The following CNBD1 variants were observed in gnomAD, a reference collection of about 807,000 sequenced individuals.
CNBD1 encodes cyclic nucleotide binding domain containing 1, also known as cyclic nucleotide-binding domain-containing protein 1.
In CNBD1, 71 loss-of-function variants were observed where a neutral mutation model predicts 54.4. The ratio of observed to expected loss-of-function variants is 1.30; its 90% CI spans 1.08 to 1.59. CNBD1 has a LOEUF of 1.59. CNBD1 is among the 40% of genes most tolerant of loss of function. CNBD1 has a pLI of 0.00. For synonymous variants in CNBD1, 182 were observed against 170.7 expected (o/e 1.07, Z -0.51); for missense variants, 659 against 518.0 (o/e 1.27, Z -2.64).
intron 2 of CNBD1, among the ~76,000 whole-genome samples, chr8:86,898,097 GA>G (rs1260009215): frequency 6.6e-6 from 1 of 152,040 alleles, no homozygotes; most frequent in African/African-American, 2.4e-5. Context: ...TTGTGGATGG[GA>G]AAAAAGTAAG....
chr8:86,893,093 A>G (rs1016743008), intron 2 of CNBD1, among the ~76,000 whole-genome samples: 2 of 152,172 alleles, frequency 1.3e-5, no homozygotes, highest in Non-Finnish European at 2.9e-5. Context: ...TCTGATGACC[A>G]CTAGCTGGCA....
intron 10 of CNBD1, among the ~76,000 whole-genome samples, chr8:87,361,131 T>C (rs1810517239): frequency 6.6e-6 from 1 of 151,976 alleles, no homozygotes; most frequent in African/African-American, 2.4e-5. Flanking sequence ...ATTTAAAATT[T>C]TGATATATGC....
At chr8:87,203,232 T>C (rs190581253) in intron 4 of CNBD1, among the ~76,000 whole-genome samples, 16 of 152,344 alleles carry the variant, frequency 1.1e-4, no homozygotes, top group African/African-American at 3.1e-4. Flanking sequence ...CTTGTTTATA[T>C]GCATACATAG....
intron 4 of CNBD1, among the ~76,000 whole-genome samples, chr8:87,035,071 C>G (rs942812928): frequency 6.6e-6 from 1 of 151,874 alleles, no homozygotes; most frequent in African/African-American, 2.4e-5. Flanking sequence ...ACCAAATGTT[C>G]CTTTTTTATA....
chr8:87,346,242 T>A (rs939323002), intron 8 of CNBD1, among the ~76,000 whole-genome samples: 1 of 152,048 alleles, frequency 6.6e-6, no homozygotes, highest in Non-Finnish European at 1.5e-5. Context: ...GGTTTCTCCA[T>A]GTTGGGTAGG....
At chr8:87,286,927 A>G (rs1808711089) in intron 8 of CNBD1, among the ~76,000 whole-genome samples, 1 of 152,108 alleles carries the variant, frequency 6.6e-6, no homozygotes, top group African/African-American at 2.4e-5. Context: ...ACTGTTCCGC[A>G]CTTGCTCCAC....
chr8:87,122,707 C>T (rs1332344081), intron 4 of CNBD1, among the ~76,000 whole-genome samples: 2 of 151,808 alleles, frequency 1.3e-5, no homozygotes, highest in African/African-American at 4.8e-5. Flanking sequence ...ATATTTAAGT[C>T]ATTAATCCAT....
chr8:86,948,448 A>T (rs1311564166), intron 4 of CNBD1, among the ~76,000 whole-genome samples: 1 of 152,138 alleles, frequency 6.6e-6, no homozygotes, highest in African/African-American at 2.4e-5. Context: ...GATATAAACC[A>T]TTTAAACTAG....
chr8:87,074,347 T>C (rs1474218032), intron 4 of CNBD1, among the ~76,000 whole-genome samples: 4 of 152,138 alleles, frequency 2.6e-5, no homozygotes, highest in Non-Finnish European at 4.4e-5. Flanking sequence ...CAGTGGGTCT[T>C]AACTTGTGAG....
chr8:87,327,036 G>A (rs1202055995), intron 8 of CNBD1, among the ~76,000 whole-genome samples: 1 of 150,070 alleles, frequency 6.7e-6, no homozygotes, highest in Non-Finnish European at 1.5e-5. Flanking sequence ...AGCACCCTCA[G>A]CTGCAGATCT....
chr8:86,922,221 C>G (rs1809285706), intron 3 of CNBD1, among the ~76,000 whole-genome samples: 1 of 152,058 alleles, frequency 6.6e-6, no homozygotes, highest in Non-Finnish European at 1.5e-5. Flanking sequence ...TCACCAGAAA[C>G]TTGTTGAAAA....
chr8:87,043,065 A>G (rs1810106889), intron 4 of CNBD1, among the ~76,000 whole-genome samples: 1 of 152,226 alleles, frequency 6.6e-6, no homozygotes, highest in Admixed American at 6.5e-5. Flanking sequence ...GATATGTTGC[A>G]ATGCTGCAAC....
chr8:86,936,377 A>G (rs2130417619), intron 3 of CNBD1, among the ~76,000 whole-genome samples: 1 of 152,338 alleles, frequency 6.6e-6, no homozygotes, highest in East Asian at 1.9e-4. Context: ...AAGTAACATG[A>G]CAATACAAAT....
intron 4 of CNBD1, among the ~76,000 whole-genome samples, chr8:87,103,895 C>T (rs1281931693): frequency 6.6e-6 from 1 of 152,264 alleles, no homozygotes; most frequent in South Asian, 2.1e-4. Context: ...GAGACCAGGT[C>T]CTCTGCTGAG....
At chr8:87,304,226 G>A in intron 8 of CNBD1, among the ~76,000 whole-genome samples, 1 of 151,742 alleles carries the variant, frequency 6.6e-6, no homozygotes, top group Non-Finnish European at 1.5e-5. Flanking sequence ...GCAAAGACTT[G>A]GAACAAACCC....
intron 4 of CNBD1, among the ~76,000 whole-genome samples, chr8:87,131,797 C>T (rs969346378): frequency 1.3e-5 from 2 of 151,942 alleles, no homozygotes; most frequent in African/African-American, 4.8e-5. Flanking sequence ...TTAACCACCT[C>T]AACTCAACTT....
At chr8:86,994,706 A>T (rs570832225) in intron 4 of CNBD1, among the ~76,000 whole-genome samples, 4 of 151,338 alleles carry the variant, frequency 2.6e-5, no homozygotes, top group Non-Finnish European at 4.4e-5. Context: ...CAGGGTCCCC[A>T]GCTTCCTTTC....
intron 4 of CNBD1, among the ~76,000 whole-genome samples, chr8:87,202,462 A>C (rs1358708957): frequency 3.3e-5 from 5 of 152,208 alleles, no homozygotes; most frequent in Admixed American, 6.5e-5. Flanking sequence ...ATAAAACAAC[A>C]AGCCCAAATG....
chr8:87,356,332 G>T (rs1180761397), intron 10 of CNBD1, among the ~76,000 whole-genome samples: 1 of 152,176 alleles, frequency 6.6e-6, no homozygotes, highest in Non-Finnish European at 1.5e-5. Flanking sequence ...CTTAGGATTT[G>T]CTAAATAGTT....
Sources: allele counts gnomAD v4.1 joint callset (sites outside exome capture counted in the v4.1 genomes callset), GRCh38; gene constraint gnomAD v4.1.1; transcripts MANE v1.5; gene names NCBI Gene and HGNC (gene_info 2026-07-23, HGNC 2026-07-21).